CLMN: variants seen among roughly 807,000 people sequenced by gnomAD.
The protein encoded by CLMN is calmin (calponin-like, transmembrane).
A neutral mutation model predicts 92.7 loss-of-function variants in CLMN; 57 were observed. That is an observed-to-expected ratio of 0.61 (90% CI 0.50 to 0.77). The LOEUF is 0.77. CLMN is among the 30% of genes least tolerant of loss of function. The probability of loss-of-function intolerance (pLI) is 0.00; values close to 1 mark genes in which losing one functional copy is unlikely to be tolerated. For synonymous variants in CLMN, 466 were observed against 470.6 expected (o/e 0.99, Z 0.13); for missense variants, 1,158 against 1,237.5 (o/e 0.94, Z 0.96).
chr14:95,307,085 T>C (rs1175904571), intron 1 of CLMN, among the ~76,000 whole-genome samples: 1 of 152,208 alleles, frequency 6.6e-6, no homozygotes, highest in African/African-American at 2.4e-5. Context: ...CAGGCATTGA[T>C]GAAGACATAT....
At chr14:95,224,170 G>A (rs1253262569) in intron 2 of CLMN, among the ~76,000 whole-genome samples, 4 of 152,136 alleles carry the variant, frequency 2.6e-5, no homozygotes, top group African/African-American at 9.7e-5. Context: ...CATGCTTAAG[G>A]GCAGAAAGAA....
At position 95,316,573 on chromosome 14, in the gene CLMN, T is replaced by C. The variant is rs892920111; in HGVS notation, c.82+3138A>G. Among the ~76,000 whole-genome samples, 10 of 152,354 alleles carry C rather than the reference T, an allele frequency of 6.6e-5. No individual in the cohort carries two copies. The East Asian group carries it at 1.2e-3, about 18-fold the overall frequency. On this transcript the variant is annotated intron_variant, in intron 1 of 12. Transcript: ENST00000298912. ...CCAATGTTTTTTGGGGGATGACCTATGACATCACAATCACATTGCATGGAT... is the reference window on the plus strand; with the variant it reads ...CCAATGTTTTTTGGGGGATGACCTACGACATCACAATCACATTGCATGGAT...
At chr14:95,282,538 ATGAGAAC>A (rs1900180355) in intron 1 of CLMN, among the ~76,000 whole-genome samples, 1 of 152,220 alleles carries the variant, frequency 6.6e-6, no homozygotes, top group Non-Finnish European at 1.5e-5. Context: ...TCAGGCCCAA[ATGAGAAC>A]TGAGTGGCCA....
intron 4 of CLMN, among the ~76,000 whole-genome samples, chr14:95,219,569 A>G (rs1897461832): frequency 6.6e-6 from 1 of 152,176 alleles, no homozygotes; most frequent in Admixed American, 6.5e-5. Flanking sequence ...TCTCCCAGGT[A>G]GGTTTTGTTT....
chr14:95,312,768 G>A (rs939885279), intron 1 of CLMN, among the ~76,000 whole-genome samples: 1 of 152,154 alleles, frequency 6.6e-6, no homozygotes. Context: ...GCACGTGGCA[G>A]GGGTTCCAAG....
Position 95,191,705 on chromosome 14 carries a change from C to A in CLMN, c.2868G>T (p.Met956Ile). 6.2e-7 allele frequency: 1 copy of A among 1,611,770 alleles called. No homozygotes were observed. Among genetic ancestry groups the A allele is most frequent in the Non-Finnish European group, 8.5e-7 (1 of 1,179,482 alleles). Residue 956 changes from methionine (M) to isoleucine (I), a missense_variant, in exon 13 of 13, where the codon ATG becomes ATT. Physicochemically the swap from Met to Ile is conservative, Grantham distance 10. Transcript: ENST00000298912. This position sits in a 1 kb window ranked among gnomAD's most constrained non-coding sequence, Gnocchi z 5.3. ...TCTGCGGGCTGTGGCTCCCCAGTGA[C>A]ATGGCTTCTCCTGAGCTGTTGGCCT... ...TRKANSSGEA[M>I]SLGSHSPQSD...
chr14:95,210,206 C>A (rs1407692302), intron 7 of CLMN, among the ~76,000 whole-genome samples: 1 of 152,138 alleles, frequency 6.6e-6, no homozygotes, highest in East Asian at 1.9e-4. Flanking sequence ...ACTGCGCCAC[C>A]ACGCCCAGCT....
intron 1 of CLMN, among the ~76,000 whole-genome samples, chr14:95,236,375 C>A (rs943581202): frequency 2.0e-5 from 3 of 152,246 alleles, no homozygotes; most frequent in Non-Finnish European, 4.4e-5. Flanking sequence ...CATGCCCCCA[C>A]CCAGAACATC....
At chr14:95,193,779 G>A in intron 12 of CLMN, 70 bp downstream of exon 12, 1 of 1,584,720 alleles carries the variant, frequency 6.3e-7, no homozygotes, top group Non-Finnish European at 8.6e-7. Context: ...AACCACCCCT[G>A]TAAGGCAGGC....
chr14:95,303,272 C>T (rs556631727), intron 1 of CLMN, among the ~76,000 whole-genome samples: 11 of 152,364 alleles, frequency 7.2e-5, no homozygotes, highest in Non-Finnish European at 1.0e-4. Flanking sequence ...AACTCATTCC[C>T]TCAGCGGTGT....
chr14:95,242,254 T>C (rs1446811952), intron 1 of CLMN, among the ~76,000 whole-genome samples: 1 of 97,068 alleles, frequency 1.0e-5, no homozygotes, highest in African/African-American at 7.1e-5. Context: ...CTTTTTCTTT[T>C]TTTTTTTTTT....
chr14:95,204,439 C>G lies in CLMN; in HGVS notation c.910G>C (p.Glu304Gln). 1 of 1,565,978 alleles carries G rather than the reference C, an allele frequency of 6.4e-7. No individual in the cohort carries two copies. Among genetic ancestry groups the G allele is most frequent in the East Asian group, 2.3e-5 (1 of 44,162 alleles). The change falls in exon 9 of 13, where the codon GAA (glutamate) becomes CAA (glutamine). Residue 304 changes from glutamate to glutamine, a missense_variant. Coordinates refer to ENST00000298912, the MANE Select transcript of CLMN (RefSeq NM_024734.4). ...EAEDIFDSDK[E>Q]VPIESTFVRI... ...ACAAAAGTGGATTCGATAGGAACTT[C>G]TTTATCTGAATCGAAAATATCTTCC...
chr14:95,263,289 T>C (rs1226646409), intron 1 of CLMN, among the ~76,000 whole-genome samples: 1 of 152,040 alleles, frequency 6.6e-6, no homozygotes, highest in Non-Finnish European at 1.5e-5. Flanking sequence ...AACCATCAGA[T>C]CTCATGATAA....
rs113509058 is a variant in CLMN at position 95,304,347 on chromosome 14, G to GA, written c.82+15363dup. Among the ~76,000 whole-genome samples, 278 of 133,424 alleles carry GA rather than the reference G, an allele frequency of 2.1e-3. 1 individual carries two copies. The highest frequency in any genetic ancestry group is 6.5e-3 in the African/African-American group (230 of 35,560). The allele number at this position is 133,424 out of a possible 152,430, so 87.5% of individuals were successfully genotyped here. A position where few individuals can be genotyped will look rare whatever the true frequency, so the allele number is the denominator to read the frequency against. On this transcript the variant is annotated intron_variant, in intron 1 of 12. Transcript: ENST00000298912. Reference sequence around the variant, plus strand: ...GACAGAGAGAAATTCTGTCTTAAAAGAAAAAAAAAAAAGGAATCTGCATCC... The same window carrying GA: ...GACAGAGAGAAATTCTGTCTTAAAAGAAAAAAAAAAAAAGGAATCTGCATCC...
intron 1 of CLMN, among the ~76,000 whole-genome samples, chr14:95,262,059 G>T (rs1232801337): frequency 6.6e-6 from 1 of 152,234 alleles, no homozygotes; most frequent in African/African-American, 2.4e-5. Context: ...CAGCGTCCAC[G>T]CCTGTATTCC....
chr14:95,319,324 C>T (rs1445965370), intron 1 of CLMN, among the ~76,000 whole-genome samples: 1 of 151,716 alleles, frequency 6.6e-6, no homozygotes, highest in African/African-American at 2.4e-5. Flanking sequence ...CACACACACA[C>T]ACACACACAC....
In CLMN at chr14:95,294,104, C is replaced by G. The variant is rs912222530; in HGVS notation, c.82+25607G>C. 6.6e-6 allele frequency among the ~76,000 whole-genome samples: 1 copy of G among 152,146 alleles called. No individual in the cohort carries two copies. Among genetic ancestry groups the G allele is most frequent in the African/African-American group, 2.4e-5 (1 of 41,434 alleles). ...CGAACCTCTTCCTACCTACCTCACCCTAAACAGCCAGGAGAGTGCGTGCAG... is the reference window on the plus strand; with the variant it reads ...CGAACCTCTTCCTACCTACCTCACCGTAAACAGCCAGGAGAGTGCGTGCAG... On this transcript the variant is annotated intron_variant, in intron 1 of 12. Transcript: ENST00000298912. The surrounding 1 kb of genome is among the most constrained non-coding windows in gnomAD (Gnocchi z 4.2).
intron 1 of CLMN, among the ~76,000 whole-genome samples, chr14:95,288,094 G>A (rs557631286): frequency 6.6e-6 from 1 of 152,186 alleles, no homozygotes; most frequent in Non-Finnish European, 1.5e-5. Flanking sequence ...GCATAGTGGG[G>A]CCTGGAAGAG....
At chr14:95,293,899 A>C (rs1259666549) in intron 1 of CLMN, among the ~76,000 whole-genome samples, 1 of 152,086 alleles carries the variant, frequency 6.6e-6, no homozygotes, top group African/African-American at 2.4e-5. Context: ...TGAAGTAGAA[A>C]ACAAGGAAAA....
Sources: gnomAD v4.1 joint callset for allele counts (sites outside exome capture counted in the v4.1 genomes callset) on GRCh38, gnomAD v4.1.1 for gene constraint, Gnocchi (gnomAD v3.1) non-coding constraint, MANE v1.5 for transcripts, NCBI Gene and HGNC (gene_info 2026-07-23, HGNC 2026-07-21) for gene names.